The following WDR90 variants were observed in gnomAD, a reference collection of about 807,000 sequenced individuals.
WDR90 encodes the protein WD repeat domain 90, also known as WD repeat-containing protein 90.
WDR90 carries 238 observed loss-of-function variants against 195.2 expected under a neutral mutation model. The ratio of observed to expected loss-of-function variants is 1.22; its 90% CI spans 1.10 to 1.36. The LOEUF (loss-of-function observed/expected upper bound fraction) is 1.36. WDR90 is among the 40% of genes most tolerant of loss of function. WDR90 has a pLI of 0.00. For missense variants in WDR90, 2,734 were observed against 2,439.5 expected (o/e 1.12, Z -2.54); for synonymous variants, 1,265 against 1,052.4 (o/e 1.20, Z -3.91).
chr16:656,450 C>G lies in WDR90; in HGVS notation c.2115C>G (p.Ala705=). 6.2e-7 allele frequency: 1 copy of G among 1,600,896 alleles called. No individual in the cohort carries two copies. Among genetic ancestry groups the G allele is most frequent in the Non-Finnish European group, 8.5e-7 (1 of 1,176,630 alleles). The change falls in exon 18 of 41, where the codon GCC becomes GCG. Residue 705 remains alanine, a synonymous_variant. Coordinates refer to ENST00000293879, the MANE Select transcript of WDR90 (RefSeq NM_145294.5). ...LARSHTAPVL[A]LAMEQRRGQL... is the part of the protein sequence containing the mutation. Reference sequence around the variant, plus strand: ...GCTCCCACACCGCCCCGGTGTTGGCCCTCGCCATGGAGCAGAGGCGGGGAC... The same window carrying G: ...GCTCCCACACCGCCCCGGTGTTGGCGCTCGCCATGGAGCAGAGGCGGGGAC...
At chr16:652,254 G>A in intron 9 of WDR90, 1 of 791,666 alleles carries the variant, frequency 1.3e-6, no homozygotes, top group Non-Finnish European at 2.0e-6. Context: ...CAATGCGTCA[G>A]CCCCAGGTGG....
rs996699177 is a variant in WDR90, at chr16:649,433, C to A, written c.10+7C>A. The A allele has an allele frequency of 9.2e-6, 12 of 1,299,814 alleles. No individual in the cohort carries two copies. Among genetic ancestry groups the A allele is most frequent in the Non-Finnish European group, 1.2e-5 (12 of 1,027,074 alleles). 80.5% of individuals were successfully genotyped at this position (1,299,814 alleles called of 1,614,324 possible). On this transcript the variant is annotated splice_region_variant and intron_variant, in intron 1 of 40. Transcript: ENST00000293879. ...GGCGGCGCCATGGCCCGAGGTAGCGCGCGGCTGGCGGGGGTCCCGAGGATC... is the reference window on the plus strand; with the variant it reads ...GGCGGCGCCATGGCCCGAGGTAGCGAGCGGCTGGCGGGGGTCCCGAGGATC...
In WDR90 at chr16:658,213, C is replaced by T; in HGVS notation, c.2635C>T (p.Leu879=). The part of the protein sequence containing the change: ...LLRVDIGTLD[L]ASSRLDSAMA... ...GCGAGTTGACATCGGCACTCTGGAC[C>T]TGGCCAGCAGCCGCCTGGACTCAGC... is the stretch of plus-strand genomic sequence containing the variant. The change falls in exon 22 of 41, where the codon CTG becomes TTG. Residue 879 remains leucine, a synonymous_variant. Transcript: ENST00000293879. The T allele has an allele frequency of 6.2e-7, 1 of 1,612,064 alleles. No homozygotes were observed. The highest frequency in any genetic ancestry group is 8.5e-7 in the Non-Finnish European group (1 of 1,179,640).
chr16:659,394 T>C lies in WDR90; in HGVS notation c.3184+18T>C. ...TGGCGATGGTGAGCAGCAGGGGTCC[T>C]GGAGGAGTGGGGGGATTCGGGGGTC... On this transcript the variant is annotated intron_variant, in intron 26 of 40. Transcript: ENST00000293879. The C allele has an allele frequency of 6.3e-7, 1 of 1,586,506 alleles. No individual in the cohort carries two copies. Among genetic ancestry groups the C allele is most frequent in the Non-Finnish European group, 8.6e-7 (1 of 1,167,520 alleles).
chr16:660,926 C>G (rs2037884222), intron 28 of WDR90, 125 bp from the exon 29 acceptor site: 1 of 625,904 alleles, frequency 1.6e-6, no homozygotes, highest in Admixed American at 6.8e-5. Context: ...TGGGACGATG[C>G]TAACCCCTTG....
At chr16:652,805 C>T (rs988266362) in intron 10 of WDR90, among the ~76,000 whole-genome samples, 3 of 152,186 alleles carry the variant, frequency 2.0e-5, no homozygotes, top group African/African-American at 7.2e-5. Flanking sequence ...AAGTGCTCCC[C>T]CCGAAGACCC....
Position 649,400 on chromosome 16 carries a change from G to T in WDR90, c.-17G>T. On this transcript the variant is annotated 5_prime_UTR_variant, in exon 1 of 41. Coordinates refer to ENST00000293879, the MANE Select transcript of WDR90 (RefSeq NM_145294.5). ...GGGCGCGCGGAGGCCTAGGCGGGAA[G>T]CTCGAGCGGCGGCGCCATGGCCCGA... is the stretch of plus-strand genomic sequence containing the variant. 7.6e-7 allele frequency: 1 copy of T among 1,318,630 alleles called. No homozygotes were observed. Among genetic ancestry groups the T allele is most frequent in the Non-Finnish European group, 9.6e-7 (1 of 1,036,920 alleles). The allele number at this position is 1,318,630 out of a possible 1,614,324, so 81.7% of individuals were successfully genotyped here.
chr16:651,237 T>C lies in WDR90; in HGVS notation c.707T>C (p.Ile236Thr), dbSNP rs376141437. 54 of 1,612,984 alleles carry C rather than the reference T, an allele frequency of 3.3e-5. No individual in the cohort carries two copies. The African/African-American group carries it at 5.5e-4, about 16-fold the overall frequency. ...AGCTTGAAAGTGCCTTCCAAGCCGATTGAGAAGAGCTGTTCCCCTCCTGAG... is the reference window on the plus strand; with the variant it reads ...AGCTTGAAAGTGCCTTCCAAGCCGACTGAGAAGAGCTGTTCCCCTCCTGAG... ...SESLKVPSKP[I>T]EKSCSPPEAV... Residue 236 changes from isoleucine to threonine, a missense_variant, in exon 7 of 41, where the codon ATT becomes ACT. Transcript: ENST00000293879.
chr16:663,988 C>T (rs368891641), intron 34 of WDR90, among the ~76,000 whole-genome samples: 1 of 152,156 alleles, frequency 6.6e-6, no homozygotes. Flanking sequence ...CATCCAGTTG[C>T]CCCTGGGTTG....
intron 40 of WDR90, 34 bp downstream of exon 40, chr16:667,023 T>A: frequency 1.3e-6 from 2 of 1,561,066 alleles, no homozygotes; most frequent in Non-Finnish European, 1.7e-6. Flanking sequence ...GGGCCTGTCT[T>A]AGGTGGGGGC....
chr16:659,550 C>G (rs2037848013), intron 26 of WDR90, among the ~76,000 whole-genome samples, 174 bp downstream of exon 26: 2 of 152,182 alleles, frequency 1.3e-5, no homozygotes, highest in Admixed American at 1.3e-4. Flanking sequence ...CCTCCTTAGC[C>G]TCATCAGGTG....
rs778988137 is a variant in WDR90 at position 661,071 on chromosome 16, G to A, written c.3412G>A (p.Gly1138Ser). ...CACAGGCTTCTTTGCCTACACGTGCGGCCGCCTGGTGGTGGTGGAGGACCT... is the reference window on the plus strand; with the variant it reads ...CACAGGCTTCTTTGCCTACACGTGCAGCCGCCTGGTGGTGGTGGAGGACCT... ...PDTGFFAYTC[G>S]RLVVVEDLHS... Residue 1138 changes from glycine (G) to serine (S), a missense_variant, in exon 29 of 41, where the codon GGC (glycine) becomes AGC (serine). Gly to Ser is a moderately conservative substitution (Grantham distance 56). Coordinates refer to ENST00000293879, the MANE Select transcript of WDR90 (RefSeq NM_145294.5). The A allele has an allele frequency of 5.6e-6, 8 of 1,417,780 alleles. No individual in the cohort carries two copies. The South Asian group carries it at 6.3e-5, about 11-fold the overall frequency. 87.8% of individuals were successfully genotyped at this position (1,417,780 alleles called of 1,614,324 possible). A position where few individuals can be genotyped will look rare whatever the true frequency, so the allele number is the denominator to read the frequency against.
chr16:650,318 G>A lies in WDR90; in HGVS notation c.344G>A (p.Trp115Ter), dbSNP rs747030846. 3.7e-6 allele frequency: 6 copies of A among 1,612,832 alleles called. No individual in the cohort carries two copies. The African/African-American group carries it at 8.0e-5, about 22-fold the overall frequency. The change falls in exon 4 of 41, where the codon TGG becomes TAG. Residue 115 changes from tryptophan (W) to a stop codon, truncating the protein, a stop_gained. Coordinates refer to ENST00000293879, the MANE Select transcript of WDR90 (RefSeq NM_145294.5). LOFTEE classifies it high-confidence loss of function. ...LFKEFKSTAT[W>*]LQFPLVLEAR... ...AAGGAGTTTAAGTCTACGGCCACGT[G>A]GCTCCAGTTTCCCTTGGTCCTGGAG... is the stretch of plus-strand genomic sequence containing the variant.
intron 26 of WDR90, 84 bp downstream of exon 26, chr16:659,460 G>A (rs942003244): frequency 2.2e-5 from 34 of 1,517,194 alleles, no homozygotes; most frequent in Middle Eastern, 3.7e-4. Context: ...ACTCACGCAC[G>A]TCCAGCTCTG....
intron 21 of WDR90, 128 bp downstream of exon 21, chr16:658,020 A>G: frequency 4.8e-6 from 7 of 1,455,608 alleles, no homozygotes; most frequent in East Asian, 2.5e-5. Flanking sequence ...CGCAGAGTAC[A>G]CATCAGCCAT....
chr16:667,015 G>C (rs2038095556), intron 40 of WDR90, 26 bp downstream of exon 40: 3 of 1,568,340 alleles, frequency 1.9e-6, no homozygotes, highest in Non-Finnish European at 1.7e-6. Flanking sequence ...TGCAGTTTGG[G>C]CCTGTCTTAG....
At chr16:663,726 CTG>C (rs1300377112) in intron 34 of WDR90, among the ~76,000 whole-genome samples, 4 of 152,360 alleles carry the variant, frequency 2.6e-5, no homozygotes, top group Admixed American at 2.6e-4. Flanking sequence ...TCTGGAAGCT[CTG>C]TGGCCTCATG....
chr16:652,363 T>G, intron 9 of WDR90, 104 bp from the exon 10 acceptor site: 1 of 1,364,182 alleles, frequency 7.3e-7, no homozygotes, highest in Non-Finnish European at 1.0e-6. Flanking sequence ...GCAGTCTTCT[T>G]GAGAGGCAGG....
chr16:654,837 TGTA>T (rs2037714348), intron 13 of WDR90, 189 bp from the exon 14 acceptor site: 2 of 601,756 alleles, frequency 3.3e-6, no homozygotes, highest in East Asian at 5.5e-5. Context: ...TGCGGGTCTC[TGTA>T]GAAGTCCCAA....
Sources: gnomAD v4.1 joint callset for allele counts (sites outside exome capture counted in the v4.1 genomes callset) on GRCh38, gnomAD v4.1.1 for gene constraint, MANE v1.5 for transcripts, NCBI Gene and HGNC (gene_info 2026-07-23, HGNC 2026-07-21) for gene names.